The following SLC35F5 variants were observed in gnomAD, a reference collection of about 807,000 sequenced individuals.
SLC35F5 encodes the protein solute carrier family 35 member F5, also known as HCV NS5A-transactivated protein 3.
In SLC35F5, 54 loss-of-function variants were observed where a neutral mutation model predicts 68.6. That is an observed-to-expected ratio of 0.79 (90% confidence interval 0.63 to 0.99). The LOEUF (loss-of-function observed/expected upper bound fraction) is 0.99. SLC35F5 is among the 50% of genes least tolerant of loss of function. The pLI is 0.00. For synonymous variants in SLC35F5, 211 were observed against 205.2 expected (o/e 1.03, Z -0.24); for missense variants, 567 against 626.9 (o/e 0.90, Z 1.02).
intron 12 of SLC35F5, among the ~76,000 whole-genome samples, chr2:113,724,148 C>T (rs917443521): frequency 6.6e-6 from 1 of 152,196 alleles, no homozygotes; most frequent in African/African-American, 2.4e-5. Flanking sequence ...GAAACAAGTA[C>T]TTGTGGTTCC....
At chr2:113,755,636 A>G (rs1376451033) in intron 1 of SLC35F5, 92 bp from the exon 2 acceptor site, 4 of 1,282,938 alleles carry the variant, frequency 3.1e-6, no homozygotes, top group Non-Finnish European at 4.4e-6. Context: ...TTCAAACTCA[A>G]AGCAAATCAA....
chr2:113,754,255 A>C (rs1441671661), intron 3 of SLC35F5, among the ~76,000 whole-genome samples: 1 of 149,682 alleles, frequency 6.7e-6, no homozygotes, highest in Non-Finnish European at 1.5e-5. Flanking sequence ...GCACCATTGC[A>C]CTCCAGCCTG....
At chr2:113,747,525 G>A (rs977611806) in intron 4 of SLC35F5, among the ~76,000 whole-genome samples, 2 of 152,078 alleles carry the variant, frequency 1.3e-5, no homozygotes, top group Non-Finnish European at 2.9e-5. Context: ...TAATAAAAAG[G>A]GAGTCAATGT....
rs1559307911 is a variant in SLC35F5 at position 113,712,651 on chromosome 2, G to A, written c.*2567C>T. 6.6e-6 allele frequency: 1 copy of A among 152,198 alleles called. No individual in the cohort carries two copies. The allele number at this position is 152,198 out of a possible 1,614,324, so 9.4% of individuals were successfully genotyped here. Reference sequence around the variant, plus strand: ...ACTGTTAAGGCTGCCTCATTTTTCAGCTTTGTTGTAGTTGAGATTCTGATG... The same window carrying A: ...ACTGTTAAGGCTGCCTCATTTTTCAACTTTGTTGTAGTTGAGATTCTGATG... On this transcript the variant is annotated 3_prime_UTR_variant, in exon 16 of 16. Transcript: ENST00000245680.
chr2:113,716,759 G>T (rs936160325), intron 15 of SLC35F5, among the ~76,000 whole-genome samples: 1 of 152,140 alleles, frequency 6.6e-6, no homozygotes, highest in African/African-American at 2.4e-5. Context: ...GAAGGGCAGG[G>T]GTAACTGCCT....
At chr2:113,703,578 T>A (rs1686736467), downstream of SLC35F5, 1 of 152,226 alleles carries the variant, frequency 6.6e-6, no homozygotes, top group Non-Finnish European at 1.5e-5. Flanking sequence ...TAATGCCCTC[T>A]GAGACATTTT....
At chr2:113,722,264 G>A (rs1374937948) in intron 13 of SLC35F5, among the ~76,000 whole-genome samples, 1 of 152,126 alleles carries the variant, frequency 6.6e-6, no homozygotes, top group African/African-American at 2.4e-5. Flanking sequence ...GTGAGCCACT[G>A]TGCCTGGCTA....
At chr2:113,705,700 G>T (rs1686781732), downstream of SLC35F5, among the ~76,000 whole-genome samples, 1 of 152,034 alleles carries the variant, frequency 6.6e-6, no homozygotes, top group Non-Finnish European at 1.5e-5. Context: ...AAGGCTTTAA[G>T]AACACTATCT....
intron 13 of SLC35F5, among the ~76,000 whole-genome samples, chr2:113,722,894 A>C: frequency 6.6e-6 from 1 of 152,230 alleles, no homozygotes; most frequent in East Asian, 1.9e-4. Flanking sequence ...TTAACTTAGA[A>C]ATTTAGGGAA....
intron 3 of SLC35F5, among the ~76,000 whole-genome samples, chr2:113,753,015 T>A (rs1676806051): frequency 6.6e-6 from 1 of 152,102 alleles, no homozygotes; most frequent in Non-Finnish European, 1.5e-5. Context: ...GAGAGGTTGA[T>A]AAGGTTGGCA....
intron 13 of SLC35F5, 56 bp from the exon 14 acceptor site, chr2:113,719,364 T>A: frequency 6.8e-7 from 1 of 1,463,212 alleles, no homozygotes; most frequent in Non-Finnish European, 9.0e-7. Context: ...AAGGCAATTT[T>A]CCCCTTCAAT....
intron 1 of SLC35F5, 158 bp downstream of exon 1, chr2:113,756,212 G>T (rs1676980755): frequency 1.3e-6 from 2 of 1,505,052 alleles, no homozygotes; most frequent in Admixed American, 4.2e-5. Flanking sequence ...CAGGGCTCCG[G>T]CGCCCCTGTC....
chr2:113,751,108 T>C (rs1676719396), intron 3 of SLC35F5, among the ~76,000 whole-genome samples: 1 of 152,174 alleles, frequency 6.6e-6, no homozygotes. Context: ...GTCAAGCCAC[T>C]GCACTCCAGC....
intron 10 of SLC35F5, 139 bp downstream of exon 10, chr2:113,731,443 TTA>T (rs1178041047): frequency 8.4e-6 from 5 of 598,588 alleles, no homozygotes; most frequent in African/African-American, 5.4e-5. Context: ...ACGCATTTTT[TTA>T]TGTTATTTCC....
chr2:113,719,709 C>G lies in SLC35F5; in HGVS notation c.1342-401G>C, dbSNP rs76468947. 905 of 155,820 alleles carry G rather than the reference C, an allele frequency of 5.8e-3. 14 individuals carry two copies. Among genetic ancestry groups the G allele is most frequent in the African/African-American group, 0.021 (861 of 41,606 alleles). 9.7% of individuals were successfully genotyped at this position (155,820 alleles called of 1,614,324 possible). A position where few individuals can be genotyped will look rare whatever the true frequency, so the allele number is the denominator to read the frequency against. On this transcript the variant is annotated intron_variant, in intron 13 of 15. Transcript: ENST00000245680. ...TCTCTCCCTCAGTTTCTGAAGTCAT[C>G]TTCAAAAAATGTATATTTTCGTAAA...
At chr2:113,746,176 C>T (rs1368508291) in intron 5 of SLC35F5, 101 bp downstream of exon 5, 2 of 861,846 alleles carry the variant, frequency 2.3e-6, no homozygotes, top group Non-Finnish European at 3.9e-6. Context: ...TGAGCCATAT[C>T]TATGTTGTAA....
intron 11 of SLC35F5, among the ~76,000 whole-genome samples, chr2:113,726,827 C>G (rs1465282729): frequency 1.3e-5 from 2 of 152,192 alleles, no homozygotes; most frequent in Non-Finnish European, 2.9e-5. Context: ...TTGGGCCAAA[C>G]CTCAGTTATA....
At chr2:113,738,616 G>A (rs1322391901) in intron 7 of SLC35F5, among the ~76,000 whole-genome samples, 1 of 150,492 alleles carries the variant, frequency 6.6e-6, no homozygotes, top group African/African-American at 2.4e-5. Context: ...TGTAGTAAGA[G>A]ATATTCTTGA....
At chr2:113,730,625 G>A (rs1187878631) in intron 10 of SLC35F5, among the ~76,000 whole-genome samples, 1 of 152,102 alleles carries the variant, frequency 6.6e-6, no homozygotes, top group Non-Finnish European at 1.5e-5. Context: ...TTTATTATGA[G>A]GTCTCACTAT....
Sources: gnomAD v4.1 joint callset for allele counts (sites outside exome capture counted in the v4.1 genomes callset) on GRCh38, gnomAD v4.1.1 for gene constraint, MANE v1.5 for transcripts, NCBI Gene and HGNC (gene_info 2026-07-23, HGNC 2026-07-21) for gene names.